The following MEI4 variants were observed in gnomAD, a reference collection of about 807,000 sequenced individuals.
MEI4 encodes the protein meiosis-specific protein MEI4.
Under a neutral mutation model 31.4 loss-of-function variants are expected in MEI4, and 27 were observed. The observed-to-expected ratio is 0.86, with a 90% CI of 0.63 to 1.19. The LOEUF (loss-of-function observed/expected upper bound fraction) is 1.19. Ranked by LOEUF, MEI4 falls within the 50% of genes most tolerant of loss-of-function variation. The pLI is 0.00. For missense variants in MEI4, 329 were observed against 398.9 expected, an observed-to-expected ratio of 0.82 and a Z score of 1.49; for synonymous variants, 122 against 145.4, an observed-to-expected ratio of 0.84 and a Z score of 1.16.
intron 4 of MEI4, among the ~76,000 whole-genome samples, chr6:77,897,586 A>C (rs892752238): frequency 6.6e-6 from 1 of 152,006 alleles, no homozygotes; most frequent in Non-Finnish European, 1.5e-5. Flanking sequence ...TTCCAATACG[A>C]AAAAAGGGTA....
At chr6:77,795,643 G>A (rs187589514) in intron 3 of MEI4, among the ~76,000 whole-genome samples, 1 of 151,972 alleles carries the variant, frequency 6.6e-6, no homozygotes. Context: ...AGACTACTGT[G>A]AACATTATAT....
chr6:77,889,847 G>C (rs1771716328), intron 4 of MEI4, among the ~76,000 whole-genome samples: 1 of 152,218 alleles, frequency 6.6e-6, no homozygotes, highest in African/African-American at 2.4e-5. Flanking sequence ...GCTAAAAGGG[G>C]CCAAGGTACA....
At chr6:77,919,484 G>C (rs546108095) in intron 4 of MEI4, among the ~76,000 whole-genome samples, 71 of 152,064 alleles carry the variant, frequency 4.7e-4, no homozygotes, top group African/African-American at 1.5e-3. Flanking sequence ...GAATCTTTGG[G>C]ATGCATTCAA....
chr6:77,744,201 AAAG>A (rs1252013871), intron 2 of MEI4, among the ~76,000 whole-genome samples: 1 of 152,194 alleles, frequency 6.6e-6, no homozygotes, highest in Non-Finnish European at 1.5e-5. Flanking sequence ...AACCAAAGGC[AAAG>A]AAGTTAAAAG....
chr6:77,731,080 A>G (rs9443463), intron 2 of MEI4, among the ~76,000 whole-genome samples: 24,399 of 151,904 alleles, frequency 0.16, 2,072 homozygotes, highest in Middle Eastern at 0.21. Flanking sequence ...TAGTGCCTCA[A>G]TAAACATATG....
chr6:77,683,255 AATTT>A (rs1332665485), intron 1 of MEI4, among the ~76,000 whole-genome samples: 2 of 152,164 alleles, frequency 1.3e-5, no homozygotes, highest in Non-Finnish European at 2.9e-5. Context: ...TTTGTTTATT[AATTT>A]ATTTTTCCAG....
intron 2 of MEI4, among the ~76,000 whole-genome samples, chr6:77,712,259 A>G (rs1414573639): frequency 6.6e-6 from 1 of 152,180 alleles, no homozygotes; most frequent in Non-Finnish European, 1.5e-5. Flanking sequence ...ATTTGTCTTA[A>G]TTCACACATT....
chr6:77,755,230 T>G (rs1767883905), intron 2 of MEI4, among the ~76,000 whole-genome samples: 1 of 152,012 alleles, frequency 6.6e-6, no homozygotes, highest in Non-Finnish European at 1.5e-5. Context: ...TTAAGTACAC[T>G]TAACTTAAGT....
At chr6:77,768,759 TGG>T (rs985251647) in intron 3 of MEI4, among the ~76,000 whole-genome samples, 69 of 152,026 alleles carry the variant, frequency 4.5e-4, no homozygotes, top group Non-Finnish European at 9.0e-4. Context: ...TCCTGTTCTG[TGG>T]TGCAATATAG....
intron 2 of MEI4, among the ~76,000 whole-genome samples, chr6:77,736,929 G>C (rs1220899458): frequency 6.6e-6 from 1 of 151,068 alleles, no homozygotes; most frequent in Non-Finnish European, 1.5e-5. Context: ...ATGGGTACTA[G>C]GCTATTTCAA....
chr6:77,684,157 TATTC>T (rs1202815544), intron 1 of MEI4, among the ~76,000 whole-genome samples: 2 of 151,414 alleles, frequency 1.3e-5, no homozygotes, highest in Non-Finnish European at 2.9e-5. Flanking sequence ...ACCTGTTTGT[TATTC>T]ATATGTCTTC....
intron 3 of MEI4, among the ~76,000 whole-genome samples, chr6:77,811,629 G>T (rs1769575507): frequency 6.6e-6 from 1 of 152,004 alleles, no homozygotes; most frequent in Non-Finnish European, 1.5e-5. Flanking sequence ...ACAGAAATTA[G>T]CTGGGTGTGG....
chr6:77,923,426 A>G lies in MEI4; in HGVS notation c.*80A>G, dbSNP rs765504431. The G allele has an allele frequency of 1.7e-5, 18 of 1,059,954 alleles. No individual in the cohort carries two copies. Among genetic ancestry groups the G allele is most frequent in the Middle Eastern group, 3.5e-4 (1 of 2,838 alleles). 65.7% of individuals were successfully genotyped at this position (1,059,954 alleles called of 1,614,324 possible). A position where few individuals can be genotyped will look rare whatever the true frequency, so the allele number is the denominator to read the frequency against. ...AAATCTCATACTGAAAAGATTTTCAATAGTATTTTAATTAGCATTTTAGAA... is the reference window on the plus strand; with the variant it reads ...AAATCTCATACTGAAAAGATTTTCAGTAGTATTTTAATTAGCATTTTAGAA... On this transcript the variant is annotated 3_prime_UTR_variant, in exon 5 of 5. Coordinates refer to ENST00000684080, the MANE Select transcript of MEI4 (RefSeq NM_001322247.2).
chr6:77,695,637 A>C (rs928423008), intron 2 of MEI4, among the ~76,000 whole-genome samples: 1 of 152,180 alleles, frequency 6.6e-6, no homozygotes, highest in Non-Finnish European at 1.5e-5. Flanking sequence ...CTGTTTTGGT[A>C]CCAGTACCAT....
intron 2 of MEI4, among the ~76,000 whole-genome samples, chr6:77,759,256 A>ATG (rs1365271393): frequency 6.6e-6 from 1 of 151,970 alleles, no homozygotes; most frequent in Non-Finnish European, 1.5e-5. Flanking sequence ...AATGACTGTT[A>ATG]TGTCTCTATC....
At chr6:77,884,274 T>A (rs112694845) in intron 4 of MEI4, among the ~76,000 whole-genome samples, 1 of 152,326 alleles carries the variant, frequency 6.6e-6, no homozygotes, top group African/African-American at 2.4e-5. Flanking sequence ...GATGAACAGT[T>A]AGCAAATATT....
chr6:77,734,623 T>C (rs528309588), intron 2 of MEI4, among the ~76,000 whole-genome samples: 3,477 of 152,128 alleles, frequency 0.023, 167 homozygotes, highest in African/African-American at 0.079. Flanking sequence ...AATTGGAGCA[T>C]TTAGTCCATT....
At chr6:77,781,408 A>G (rs1399452070) in intron 3 of MEI4, among the ~76,000 whole-genome samples, 38 of 152,196 alleles carry the variant, frequency 2.5e-4, no homozygotes. Flanking sequence ...ATGTTAATAT[A>G]CATTAAAAAC....
intron 4 of MEI4, among the ~76,000 whole-genome samples, chr6:77,886,878 A>G (rs1771632543): frequency 6.6e-6 from 1 of 151,642 alleles, no homozygotes; most frequent in Non-Finnish European, 1.5e-5. Context: ...CTAATGGTTT[A>G]TCTGTTTTGT....
Sources: allele counts gnomAD v4.1 joint callset (sites outside exome capture counted in the v4.1 genomes callset), GRCh38; gene constraint gnomAD v4.1.1; transcripts MANE v1.5; gene names NCBI Gene and HGNC (gene_info 2026-07-23, HGNC 2026-07-21).